Variants in PEDS1 observed in about 807,000 individuals in gnomAD.
PEDS1 encodes plasmanylethanolamine desaturase 1, also known as CarF homolog.
Under a neutral mutation model 35.2 loss-of-function variants are expected in PEDS1, and 14 were observed. That is an observed-to-expected ratio of 0.40 (90% CI 0.26 to 0.62). The LOEUF is 0.62. PEDS1 is among the 20% of genes least tolerant of loss of function. PEDS1 has a pLI of 0.44. For synonymous variants in PEDS1, 152 were observed against 152.0 expected (o/e 1.00, Z 0.00); for missense variants, 260 against 367.8 (o/e 0.71, Z 2.40).
intron 5 of PEDS1, among the ~76,000 whole-genome samples, chr20:50,127,249 G>A (rs2081116398): frequency 6.6e-6 from 1 of 151,452 alleles, no homozygotes; most frequent in African/African-American, 2.4e-5. Flanking sequence ...ATAGCAGTTA[G>A]CACCATTAGC....
At chr20:50,144,562 C>T (rs1049791014) in intron 1 of PEDS1, among the ~76,000 whole-genome samples, 1 of 152,170 alleles carries the variant, frequency 6.6e-6, no homozygotes, top group Non-Finnish European at 1.5e-5. Context: ...TTCAGTGTTG[C>T]CACATAGTTT....
chr20:50,128,565 C>T lies in PEDS1; in HGVS notation c.479-378G>A, dbSNP rs1286411485. 6.6e-6 allele frequency among the ~76,000 whole-genome samples: 1 copy of T among 152,172 alleles called. No homozygotes were observed. The highest frequency in any genetic ancestry group is 1.5e-5 in the Non-Finnish European group (1 of 68,038). On this transcript the variant is annotated intron_variant, in intron 4 of 5. Transcript: ENST00000371652. This position sits in a 1 kb window ranked among gnomAD's most constrained non-coding sequence, Gnocchi z 5.2. ...GGAAAATGGGAATGATGCCTTCACC[C>T]AGGTTCCCTAGAAGCGGAGCCTGAA...
In PEDS1 at chr20:50,134,518, G is replaced by A. The variant is rs188690211; in HGVS notation, c.242-3571C>T. ...GCCGAGATTTCGCCATTGCACTCCA[G>A]GCTAGGCAACAAGAGCAAAACTCTG... On this transcript the variant is annotated intron_variant, in intron 2 of 5. Transcript: ENST00000371652. 1.8e-3 allele frequency among the ~76,000 whole-genome samples: 280 copies of A among 152,334 alleles called. 1 individual carries two copies. Among genetic ancestry groups the A allele is most frequent in the African/African-American group, 6.6e-3 (273 of 41,576 alleles).
chr20:50,125,432 C>T (rs1358650945), intron 5 of PEDS1, among the ~76,000 whole-genome samples: 2 of 152,186 alleles, frequency 1.3e-5, no homozygotes, highest in Non-Finnish European at 2.9e-5. Context: ...TGAGCACTTA[C>T]TATATACCAG....
chr20:50,140,274 C>T (rs775514017), intron 2 of PEDS1, among the ~76,000 whole-genome samples: 3 of 152,246 alleles, frequency 2.0e-5, no homozygotes, highest in East Asian at 1.9e-4. Flanking sequence ...GCCATCTTCA[C>T]GTGGCTGGAC....
chr20:50,136,862 C>A (rs2081241267), intron 2 of PEDS1, among the ~76,000 whole-genome samples: 1 of 151,892 alleles, frequency 6.6e-6, no homozygotes, highest in Non-Finnish European at 1.5e-5. Flanking sequence ...CACAGCGAAA[C>A]CCTGTCTGTA....
intron 2 of PEDS1, among the ~76,000 whole-genome samples, chr20:50,142,869 GC>G (rs2081308226): frequency 1.3e-5 from 2 of 152,094 alleles, no homozygotes; most frequent in South Asian, 4.1e-4. Context: ...AATGGCACAT[GC>G]AAAAGCCCTG....
chr20:50,147,891 T>TCTA (rs3091898), intron 1 of PEDS1, among the ~76,000 whole-genome samples: 88,882 of 151,532 alleles, frequency 0.59, 27,179 homozygotes, highest in African/African-American at 0.78. Flanking sequence ...AAACCCCGTC[T>TCTA]CTAAGAATAC....
intron 5 of PEDS1, among the ~76,000 whole-genome samples, chr20:50,125,380 T>G (rs1367922030): frequency 6.6e-6 from 1 of 152,142 alleles, no homozygotes; most frequent in African/African-American, 2.4e-5. Flanking sequence ...AACCCCCATA[T>G]TCCTCTACTT....
chr20:50,122,263 G>T lies in PEDS1; in HGVS notation c.*2795C>A, dbSNP rs572421646. On this transcript the variant is annotated 3_prime_UTR_variant, in exon 6 of 6. Coordinates refer to ENST00000371652, the MANE Select transcript of PEDS1 (RefSeq NM_199129.4). ...ACTTTTCCGTTTTATGAGCTAATAC[G>T]ATTATTTTAGCTGTTTACTTTAAAT... is the stretch of plus-strand genomic sequence containing the variant. The T allele has an allele frequency of 1.3e-4, 20 of 152,274 alleles. No homozygotes were observed. The East Asian group carries it at 1.5e-3, about 12-fold the overall frequency. 9.4% of individuals were successfully genotyped at this position (152,274 alleles called of 1,614,324 possible). A position where few individuals can be genotyped will look rare whatever the true frequency, so the allele number is the denominator to read the frequency against.
chr20:50,149,193 G>C lies in PEDS1; in HGVS notation c.121+4324C>G, dbSNP rs546260898. Among the ~76,000 whole-genome samples, 10 of 152,256 alleles carry C rather than the reference G, an allele frequency of 6.6e-5. No individual in the cohort carries two copies. In the South Asian group the frequency reaches 2.1e-3, roughly 32 times the overall value. ...GGAGCAAAAAACAGAAAGCCCATCTGGGGGACTGAACCCCTGGGTTCAGCT... is the reference window on the plus strand; with the variant it reads ...GGAGCAAAAAACAGAAAGCCCATCTCGGGGACTGAACCCCTGGGTTCAGCT... On this transcript the variant is annotated intron_variant, in intron 1 of 5. Transcript: ENST00000371652.
At position 50,153,489 on chromosome 20, in the gene PEDS1, G is replaced by A; in HGVS notation, c.121+28C>T. On this transcript the variant is annotated intron_variant, in intron 1 of 5. Coordinates refer to ENST00000371652, the MANE Select transcript of PEDS1 (RefSeq NM_199129.4). ...TCCGCAGCCGGGGCTGGTGACCGCAGGCCTGGAGGGGGGCCCAGAGGTCTT... is the reference window on the plus strand; with the variant it reads ...TCCGCAGCCGGGGCTGGTGACCGCAAGCCTGGAGGGGGGCCCAGAGGTCTT... 3.0e-6 allele frequency: 4 copies of A among 1,334,884 alleles called. No homozygotes were observed. In the South Asian group the frequency reaches 6.9e-5, roughly 23 times the overall value. The allele number at this position is 1,334,884 out of a possible 1,614,324, so 82.7% of individuals were successfully genotyped here.
chr20:50,139,595 C>T (rs1254196300), intron 2 of PEDS1, among the ~76,000 whole-genome samples: 1 of 151,874 alleles, frequency 6.6e-6, no homozygotes, highest in Non-Finnish European at 1.5e-5. Flanking sequence ...CCTGGAAACA[C>T]GGGAGACTCA....
At chr20:50,150,070 C>A (rs915901321) in intron 1 of PEDS1, among the ~76,000 whole-genome samples, 3 of 152,134 alleles carry the variant, frequency 2.0e-5, no homozygotes, top group African/African-American at 7.2e-5. Flanking sequence ...TAACCCCGAT[C>A]AGGGTGAGCT....
intron 5 of PEDS1, among the ~76,000 whole-genome samples, chr20:50,127,611 G>A (rs1048099409): frequency 1.2e-4 from 19 of 152,314 alleles, no homozygotes; most frequent in Non-Finnish European, 2.1e-4. Flanking sequence ...CTCCCAAAGT[G>A]CTGGGATTCC....
At chr20:50,137,271 G>A (rs374707434) in intron 2 of PEDS1, among the ~76,000 whole-genome samples, 1 of 152,206 alleles carries the variant, frequency 6.6e-6, no homozygotes, top group East Asian at 1.9e-4. Context: ...GAGCTCAAGC[G>A]ACCCACTCAC....
rs868805582 is a variant in PEDS1, at chr20:50,129,974, T to G, written c.334-284A>C. On this transcript the variant is annotated intron_variant, in intron 3 of 5. Transcript: ENST00000371652. This position sits in a 1 kb window ranked among gnomAD's most constrained non-coding sequence, Gnocchi z 4.2. ...GCTGTAAGGGGGCTTGGAGACAACC[T>G]CCGCCCTTCCTCCCCACCCCAAGGC... 6.6e-6 allele frequency among the ~76,000 whole-genome samples: 1 copy of G among 152,018 alleles called. No individual in the cohort carries two copies. Among genetic ancestry groups the G allele is most frequent in the South Asian group, 2.1e-4 (1 of 4,816 alleles).
intron 1 of PEDS1, among the ~76,000 whole-genome samples, chr20:50,151,972 C>G (rs373016886): frequency 6.6e-6 from 1 of 152,200 alleles, no homozygotes; most frequent in South Asian, 2.1e-4. Context: ...CACGAAGGGG[C>G]AGATAAACTT....
chr20:50,151,154 C>A, intron 1 of PEDS1: 1 of 964,142 alleles, frequency 1.0e-6, no homozygotes. Context: ...CAGATAGAAG[C>A]AGAGAGGCCA....
Sources: allele counts gnomAD v4.1 joint callset (sites outside exome capture counted in the v4.1 genomes callset), GRCh38; gene constraint gnomAD v4.1.1; non-coding constraint Gnocchi (gnomAD v3.1); transcripts MANE v1.5; gene names NCBI Gene and HGNC (gene_info 2026-07-23, HGNC 2026-07-21).